TANC2: variants seen among roughly 807,000 people sequenced by gnomAD.
TANC2 encodes the protein tetratricopeptide repeat, ankyrin repeat and coiled-coil containing 2, also known as protein TANC2.
In TANC2, 26 loss-of-function variants were observed where a neutral mutation model predicts 210.5. The ratio of observed to expected loss-of-function variants is 0.12; its 90% CI spans 0.09 to 0.17. TANC2 has a LOEUF of 0.17. TANC2 is among the 10% of genes least tolerant of loss of function. TANC2 has a pLI of 1.00. For missense variants in TANC2, 2,129 were observed against 2,608.9 expected, an observed-to-expected ratio of 0.82 and a Z score of 4.01; for synonymous variants, 931 against 967.1, an observed-to-expected ratio of 0.96 and a Z score of 0.69.
chr17:63,380,216 A>G (rs73327721), intron 15 of TANC2, among the ~76,000 whole-genome samples: 3,004 of 152,310 alleles, frequency 0.02, 89 homozygotes, highest in African/African-American at 0.067. Context: ...TTTAGTGACA[A>G]TAATAACATT....
At chr17:63,233,506 T>TGGCTCC (rs2042538724) in intron 7 of TANC2, among the ~76,000 whole-genome samples, 1 of 152,214 alleles carries the variant, frequency 6.6e-6, no homozygotes, top group Non-Finnish European at 1.5e-5. Flanking sequence ...GAGTGGGCCA[T>TGGCTCC]GGCTCCACCC....
exon 6 of TANC2, chr17:63,194,050 A>G: frequency 6.2e-7 from 1 of 1,613,258 alleles, no homozygotes; most frequent in Non-Finnish European, 8.5e-7. Flanking sequence ...AAACACACTC[A>G]TGACTCGTCT....
At chr17:63,366,171 CTT>C (rs2047104785) in intron 14 of TANC2, among the ~76,000 whole-genome samples, 1 of 152,206 alleles carries the variant, frequency 6.6e-6, no homozygotes, top group Admixed American at 6.5e-5. Context: ...CAGATAGTAT[CTT>C]TTGTTCACTT....
chr17:63,066,832 A>G (rs1225877061), intron 2 of TANC2, among the ~76,000 whole-genome samples: 1 of 151,990 alleles, frequency 6.6e-6, no homozygotes, highest in Non-Finnish European at 1.5e-5. Context: ...CTATAGCCCT[A>G]GGTTTGTCAG....
chr17:63,250,455 G>A (rs1003386612), intron 8 of TANC2, among the ~76,000 whole-genome samples: 4 of 151,910 alleles, frequency 2.6e-5, no homozygotes, highest in Non-Finnish European at 4.4e-5. Context: ...CAGTACAATT[G>A]CGTAGTAAGA....
intron 9 of TANC2, among the ~76,000 whole-genome samples, chr17:63,283,402 C>A (rs2044120854): frequency 6.6e-6 from 1 of 151,598 alleles, no homozygotes; most frequent in Non-Finnish European, 1.5e-5. Context: ...ACACTCCAGT[C>A]TTCTTTTTTA....
intron 7 of TANC2, among the ~76,000 whole-genome samples, chr17:63,216,323 A>G (rs1017045657): frequency 6.6e-6 from 1 of 152,228 alleles, no homozygotes; most frequent in Non-Finnish European, 1.5e-5. Flanking sequence ...TGCTGGGATT[A>G]CAGGCCTGAG....
Position 63,340,086 on chromosome 17 carries a change from A to T in TANC2, c.1576-15A>T, listed in dbSNP as rs1055231840. The T allele has an allele frequency of 6.2e-7, 1 of 1,602,866 alleles. No homozygotes were observed. Among genetic ancestry groups the T allele is most frequent in the Non-Finnish European group, 8.5e-7 (1 of 1,170,926 alleles). On this transcript the variant is annotated splice_polypyrimidine_tract_variant and intron_variant, in intron 11 of 27. Coordinates refer to ENST00000689528, the Ensembl canonical transcript of TANC2. ...TACTGATAAGCCTGTTTGCATTCTC[A>T]TCTTTCTTTTGCAGGTGGTTGCCTA...
chr17:63,406,989 A>G (rs1435348855), intron 21 of TANC2, among the ~76,000 whole-genome samples: 1 of 152,226 alleles, frequency 6.6e-6, no homozygotes, highest in Non-Finnish European at 1.5e-5. Flanking sequence ...GTTAGCCTCC[A>G]CTATTAGTAA....
intron 7 of TANC2, among the ~76,000 whole-genome samples, chr17:63,217,712 A>G (rs1457319926): frequency 6.6e-6 from 1 of 152,216 alleles, no homozygotes; most frequent in African/African-American, 2.4e-5. Context: ...TTAAAGAGGA[A>G]CAACTAGGAG....
At chr17:63,026,087 A>G (rs1322714661) in intron 2 of TANC2, among the ~76,000 whole-genome samples, 1 of 151,862 alleles carries the variant, frequency 6.6e-6, no homozygotes, top group Non-Finnish European at 1.5e-5. Flanking sequence ...CTAATCAGAA[A>G]TCACCTTCTC....
At chr17:63,066,474 A>G (rs1177680962) in intron 2 of TANC2, among the ~76,000 whole-genome samples, 2 of 152,096 alleles carry the variant, frequency 1.3e-5, no homozygotes, top group African/African-American at 4.8e-5. Flanking sequence ...TTCAAAAGCT[A>G]GGAGTGGTGA....
intron 2 of TANC2, among the ~76,000 whole-genome samples, chr17:63,055,984 AAAAAAAATATAT>A (rs1234336032): frequency 0.014 from 239 of 17,112 alleles, no homozygotes; most frequent in African/African-American, 0.027. Flanking sequence ...AAAAAAAAAA[AAAAAAAATATAT>A]ATATATATAT....
chr17:63,072,686 T>G (rs1421101824), intron 2 of TANC2, among the ~76,000 whole-genome samples: 1 of 152,084 alleles, frequency 6.6e-6, no homozygotes, highest in South Asian at 2.1e-4. Context: ...CTAAGAGATA[T>G]GAATATTTCC....
At chr17:63,415,712 G>A in intron 26 of TANC2, 38 bp downstream of exon 26, 1 of 1,600,100 alleles carries the variant, frequency 6.2e-7, no homozygotes, top group Non-Finnish European at 8.5e-7. Context: ...CTGCAATCCT[G>A]GTAGCTGATA....
chr17:63,063,469 A>T (rs1396923337), intron 2 of TANC2, among the ~76,000 whole-genome samples: 2 of 151,500 alleles, frequency 1.3e-5, no homozygotes, highest in Non-Finnish European at 2.9e-5. Context: ...AACAAAGGAC[A>T]CTCCCGTCAC....
At chr17:63,346,216 G>A (rs1190616207) in intron 12 of TANC2, among the ~76,000 whole-genome samples, 2 of 152,164 alleles carry the variant, frequency 1.3e-5, no homozygotes, top group East Asian at 3.9e-4. Context: ...AATAGGTAAA[G>A]ATTTCTTAAG....
intron 2 of TANC2, among the ~76,000 whole-genome samples, chr17:63,032,206 G>A (rs553957850): frequency 1.2e-3 from 186 of 152,248 alleles, no homozygotes; most frequent in Non-Finnish European, 2.0e-3. Context: ...CCCAGAGAAG[G>A]ATACTGATTC....
At chr17:63,106,323 A>G (rs994450390) in intron 4 of TANC2, among the ~76,000 whole-genome samples, 7 of 151,722 alleles carry the variant, frequency 4.6e-5, no homozygotes, top group Admixed American at 3.3e-4. Context: ...CTCTATTGCA[A>G]TAGTATAGAA....
Sources: allele counts gnomAD v4.1 joint callset (sites outside exome capture counted in the v4.1 genomes callset), GRCh38; gene constraint gnomAD v4.1.1; transcripts MANE v1.5; gene names NCBI Gene and HGNC (gene_info 2026-07-23, HGNC 2026-07-21).